The following ARHGAP12 variants were observed in gnomAD, a reference collection of about 807,000 sequenced individuals.
ARHGAP12 encodes the protein Rho GTPase activating protein 12.
In ARHGAP12, 64 loss-of-function variants were observed where a neutral mutation model predicts 108.6. That is an observed-to-expected ratio of 0.59 (90% confidence interval 0.48 to 0.73). The LOEUF (loss-of-function observed/expected upper bound fraction) is 0.73. Ranked by LOEUF, ARHGAP12 falls within the 30% of genes least tolerant of loss-of-function variation. ARHGAP12 has a pLI of 0.00. For synonymous variants in ARHGAP12, 312 were observed against 337.2 expected, an observed-to-expected ratio of 0.93 and a Z score of 0.82; for missense variants, 940 against 1,005.9, an observed-to-expected ratio of 0.93 and a Z score of 0.89.
intron 3 of ARHGAP12, among the ~76,000 whole-genome samples, chr10:31,894,991 A>G (rs1005656579): frequency 5.9e-5 from 9 of 152,232 alleles, no homozygotes; most frequent in African/African-American, 2.2e-4. Flanking sequence ...AAAAACAAGA[A>G]AAGGGGAAAG....
chr10:31,828,114 T>C (rs1439438620), intron 10 of ARHGAP12, among the ~76,000 whole-genome samples: 1 of 152,188 alleles, frequency 6.6e-6, no homozygotes. Context: ...CTTTACCATT[T>C]TAAATACTAC....
At chr10:31,890,587 A>G (rs1838382945) in intron 3 of ARHGAP12, among the ~76,000 whole-genome samples, 1 of 152,152 alleles carries the variant, frequency 6.6e-6, no homozygotes, top group Non-Finnish European at 1.5e-5. Flanking sequence ...AAATTTTAAG[A>G]AAGCTAAGTA....
intron 6 of ARHGAP12, among the ~76,000 whole-genome samples, chr10:31,846,684 T>C (rs1410855617): frequency 1.3e-5 from 2 of 152,148 alleles, no homozygotes; most frequent in Admixed American, 6.5e-5. Flanking sequence ...TTGAATACAA[T>C]GAGCCTGGAT....
chr10:31,829,411 A>G (rs928055149), intron 10 of ARHGAP12, among the ~76,000 whole-genome samples: 2 of 152,112 alleles, frequency 1.3e-5, no homozygotes, highest in African/African-American at 4.8e-5. Context: ...TTGCACAACA[A>G]TGTGAATATA....
intron 13 of ARHGAP12, 52 bp from the exon 14 acceptor site, chr10:31,814,413 G>A: frequency 2.2e-6 from 3 of 1,389,934 alleles, no homozygotes; most frequent in Non-Finnish European, 3.1e-6. Context: ...TATTACTATA[G>A]TTGGAATGGC....
chr10:31,828,229 T>TTC lies in ARHGAP12; in HGVS notation c.1449-1845_1449-1844insGA, dbSNP rs1835695584. Among the ~76,000 whole-genome samples, 8 of 152,040 alleles carry TTC rather than the reference T, an allele frequency of 5.3e-5. No homozygotes were observed. In the South Asian group the frequency reaches 1.2e-3, roughly 24 times the overall value. ...TGACACACCTTATTGCTTTTTTTTT[T>TTC]CAACTTTTCTGAATCATCTTTAGGT... On this transcript the variant is annotated intron_variant, in intron 10 of 19. Coordinates refer to ENST00000344936, the MANE Select transcript of ARHGAP12 (RefSeq NM_018287.7).
At chr10:31,880,918 C>G (rs1257374569) in intron 3 of ARHGAP12, among the ~76,000 whole-genome samples, 1 of 151,312 alleles carries the variant, frequency 6.6e-6, no homozygotes, top group African/African-American at 2.4e-5. Context: ...AAAAAATTAG[C>G]CAGGTGTGGT....
At chr10:31,831,865 G>T in intron 9 of ARHGAP12, 65 bp from the exon 10 acceptor site, 3 of 993,830 alleles carry the variant, frequency 3.0e-6, no homozygotes, top group South Asian at 1.8e-5. Context: ...TCTTACACAT[G>T]ACTGAACCAA....
rs550330808 is a variant in ARHGAP12 at position 31,840,353 on chromosome 10, G to A, written c.1297-642C>T. On this transcript the variant is annotated intron_variant, in intron 7 of 19. Transcript: ENST00000344936. Reference sequence around the variant, plus strand: ...AGTATCATAAGACCAAACCAATAACGTGTTTTTTTTTTAAGCAGTCTGCTT... The same window carrying A: ...AGTATCATAAGACCAAACCAATAACATGTTTTTTTTTTAAGCAGTCTGCTT... 3.5e-5 allele frequency among the ~76,000 whole-genome samples: 5 copies of A among 143,440 alleles called. No individual in the cohort carries two copies. In the East Asian group the frequency reaches 7.6e-4, roughly 22 times the overall value. 94.1% of individuals were successfully genotyped at this position (143,440 alleles called of 152,430 possible). A position where few individuals can be genotyped will look rare whatever the true frequency, so the allele number is the denominator to read the frequency against.
intron 2 of ARHGAP12, among the ~76,000 whole-genome samples, chr10:31,909,231 C>A (rs964149670): frequency 6.6e-6 from 1 of 152,178 alleles, no homozygotes; most frequent in Non-Finnish European, 1.5e-5. Flanking sequence ...TTTCATTACT[C>A]CCTCAAACCT....
rs894538613 is a variant in ARHGAP12 at position 31,854,279 on chromosome 10, T to TA, written c.949-74dup. On this transcript the variant is annotated intron_variant, in intron 4 of 19. Coordinates refer to ENST00000344936, the MANE Select transcript of ARHGAP12 (RefSeq NM_018287.7). ...ATGAATTGGTTGAAAATCTAATAAA[T>TA]AAATTTTACTTGACTATAAGTATGA... The TA allele has an allele frequency of 1.9e-5, 25 of 1,325,650 alleles. No homozygotes were observed. In the African/African-American group the frequency reaches 3.7e-4, roughly 20 times the overall value. The allele number at this position is 1,325,650 out of a possible 1,614,324, so 82.1% of individuals were successfully genotyped here. A position where few individuals can be genotyped will look rare whatever the true frequency, so the allele number is the denominator to read the frequency against.
At chr10:31,876,174 T>C (rs905165195) in intron 3 of ARHGAP12, among the ~76,000 whole-genome samples, 1 of 152,136 alleles carries the variant, frequency 6.6e-6, no homozygotes, top group African/African-American at 2.4e-5. Context: ...CCTTCTCTTT[T>C]GAAACTCCTC....
intron 6 of ARHGAP12, among the ~76,000 whole-genome samples, chr10:31,843,888 C>T (rs796377658): frequency 5.3e-4 from 80 of 152,034 alleles, no homozygotes; most frequent in African/African-American, 1.6e-3. Flanking sequence ...ATCTCATTCA[C>T]GGAGTTGCTA....
Position 31,807,806 on chromosome 10 carries a change from C to G in ARHGAP12, c.2393G>C (p.Arg798Pro). 6.6e-7 allele frequency: 1 copy of G among 1,526,098 alleles called. No individual in the cohort carries two copies. Among genetic ancestry groups the G allele is most frequent in the Non-Finnish European group, 8.8e-7 (1 of 1,138,986 alleles). 94.5% of individuals were successfully genotyped at this position (1,526,098 alleles called of 1,614,324 possible). ...RRVIENGEKN[R>P]MTYQSIAIVF... ...AATTGCTATACTCTGATAGGTCATT[C>G]GATTTTTCTCTCCATTTTCTATAAC... Residue 798 changes from arginine to proline, a missense_variant, in exon 20 of 20, where the codon CGA (arginine) becomes CCA (proline). Arg to Pro is a moderately radical substitution (Grantham distance 103, BLOSUM62 -2). Coordinates refer to ENST00000344936, the MANE Select transcript of ARHGAP12 (RefSeq NM_018287.7).
chr10:31,901,500 T>C (rs1838922540), intron 3 of ARHGAP12, among the ~76,000 whole-genome samples: 3 of 124,214 alleles, frequency 2.4e-5, no homozygotes, highest in East Asian at 4.6e-4. Context: ...ATCACTGTAC[T>C]CCAGGCTTGG....
At chr10:31,812,061 T>G (rs1431951277) in intron 15 of ARHGAP12, among the ~76,000 whole-genome samples, 1 of 152,234 alleles carries the variant, frequency 6.6e-6, no homozygotes, top group African/African-American at 2.4e-5. Context: ...GAGATATACA[T>G]TATAGACTAT....
At chr10:31,875,004 T>TAAAAA (rs1184804393) in intron 3 of ARHGAP12, among the ~76,000 whole-genome samples, 11 of 113,888 alleles carry the variant, frequency 9.7e-5, no homozygotes, top group East Asian at 3.4e-4. Context: ...AAAAAAAAAT[T>TAAAAA]TTCACACACA....
At chr10:31,921,412 G>C (rs1364711268) in intron 1 of ARHGAP12, among the ~76,000 whole-genome samples, 1 of 152,160 alleles carries the variant, frequency 6.6e-6, no homozygotes, top group Non-Finnish European at 1.5e-5. Context: ...AAAACACAAA[G>C]TCTCACATCA....
At chr10:31,840,597 C>T (rs1475711535) in intron 7 of ARHGAP12, among the ~76,000 whole-genome samples, 1 of 152,052 alleles carries the variant, frequency 6.6e-6, no homozygotes, top group Non-Finnish European at 1.5e-5. Context: ...CCAAAAAGTT[C>T]CTTTGAACAT....
Sources: allele counts gnomAD v4.1 joint callset (sites outside exome capture counted in the v4.1 genomes callset), GRCh38; gene constraint gnomAD v4.1.1; transcripts MANE v1.5; gene names NCBI Gene and HGNC (gene_info 2026-07-23, HGNC 2026-07-21).